The following B3GAT1 variants were observed in gnomAD, a reference collection of about 807,000 sequenced individuals.
The protein encoded by B3GAT1 is galactosylgalactosylxylosylprotein 3-beta-glucuronosyltransferase 1.
Under a neutral mutation model 28.4 loss-of-function variants are expected in B3GAT1, and 11 were observed. The ratio of observed to expected loss-of-function variants is 0.39; its 90% CI spans 0.24 to 0.64. The LOEUF is 0.64. Ranked by LOEUF, B3GAT1 falls within the 30% of genes least tolerant of loss-of-function variation. The probability of loss-of-function intolerance (pLI) is 0.50; values close to 1 mark genes in which losing one functional copy is unlikely to be tolerated. For missense variants in B3GAT1, 375 were observed against 491.0 expected (o/e 0.76, Z 2.23); for synonymous variants, 255 against 223.1 (o/e 1.14, Z -1.27).
In B3GAT1 at chr11:134,407,146, G is replaced by A. The variant is rs151263062; in HGVS notation, c.-282+4661C>T. 8.7e-3 allele frequency among the ~76,000 whole-genome samples: 1,326 copies of A among 152,152 alleles called. 18 individuals carry two copies. Among genetic ancestry groups the A allele is most frequent in the Middle Eastern group, 0.021 (6 of 290 alleles). ...CTGAGGAGCTGCTCAGGGTGGGGACGGATGCAGCCCCCCATGCCCAGTGTG... is the reference window on the plus strand; with the variant it reads ...CTGAGGAGCTGCTCAGGGTGGGGACAGATGCAGCCCCCCATGCCCAGTGTG... On this transcript the variant is annotated intron_variant, in intron 1 of 5. Coordinates refer to ENST00000312527, the MANE Select transcript of B3GAT1 (RefSeq NM_054025.3).
chr11:134,396,120 T>C (rs1944500620), intron 1 of B3GAT1, among the ~76,000 whole-genome samples: 1 of 152,204 alleles, frequency 6.6e-6, no homozygotes, highest in Non-Finnish European at 1.5e-5. Context: ...GATGGAATCT[T>C]ACAGAGCACA....
intron 1 of B3GAT1, among the ~76,000 whole-genome samples, chr11:134,401,972 G>C (rs1456938010): frequency 8.2e-6 from 1 of 121,664 alleles, no homozygotes; most frequent in African/African-American, 2.8e-5. Context: ...GCCTGGGGCG[G>C]GGGGGGGCGG....
chr11:134,407,590 G>A (rs999418966), intron 1 of B3GAT1, among the ~76,000 whole-genome samples: 1 of 152,260 alleles, frequency 6.6e-6, no homozygotes, highest in Non-Finnish European at 1.5e-5. Flanking sequence ...GCGCTTATCA[G>A]AGGTAAAGCC....
At chr11:134,400,976 C>T (rs1447124466) in intron 1 of B3GAT1, among the ~76,000 whole-genome samples, 1 of 152,086 alleles carries the variant, frequency 6.6e-6, no homozygotes, top group African/African-American at 2.4e-5. Flanking sequence ...GTACAAGTGG[C>T]CAACAAATAT....
intron 1 of B3GAT1, among the ~76,000 whole-genome samples, chr11:134,398,622 T>G (rs534740358): frequency 1.1e-4 from 16 of 150,864 alleles, no homozygotes; most frequent in African/African-American, 4.0e-4. Flanking sequence ...CAGGTCCAGA[T>G]AGAAAGCAGC....
chr11:134,384,345 T>A, intron 2 of B3GAT1, 157 bp from the exon 3 acceptor site: 1 of 970,904 alleles, frequency 1.0e-6, no homozygotes, highest in Non-Finnish European at 1.5e-6. Flanking sequence ...GCTCTAAGGT[T>A]GAAATCTGCA....
chr11:134,402,652 C>G (rs1350501846), intron 1 of B3GAT1, among the ~76,000 whole-genome samples: 1 of 152,170 alleles, frequency 6.6e-6, no homozygotes, highest in African/African-American at 2.4e-5. Context: ...GTGACTCATG[C>G]CTGTAACCCC....
chr11:134,410,384 T>C (rs1477031119), intron 1 of B3GAT1, among the ~76,000 whole-genome samples: 1 of 152,142 alleles, frequency 6.6e-6, no homozygotes, highest in Non-Finnish European at 1.5e-5. Flanking sequence ...GGGGCACAGA[T>C]GCATTAACTC....
chr11:134,384,220 G>C (rs747932833), intron 2 of B3GAT1, 32 bp from the exon 3 acceptor site: 2 of 1,516,926 alleles, frequency 1.3e-6, no homozygotes, highest in Non-Finnish European at 1.8e-6. Context: ...GATGTGGGAG[G>C]AGAGCGCCGG....
intron 1 of B3GAT1, chr11:134,391,490 TTGTC>T (rs1591640553): frequency 6.6e-6 from 1 of 152,388 alleles, no homozygotes; most frequent in East Asian, 1.9e-4. Flanking sequence ...AGGGCGGTGT[TTGTC>T]TGTGGTCGCA....
At chr11:134,398,051 C>A (rs541110102) in intron 1 of B3GAT1, among the ~76,000 whole-genome samples, 2 of 152,320 alleles carry the variant, frequency 1.3e-5, no homozygotes, top group African/African-American at 4.8e-5. Flanking sequence ...CTCAAGAAAA[C>A]CCCTGGGGTT....
chr11:134,383,606 C>T, intron 3 of B3GAT1, 74 bp downstream of exon 3: 1 of 1,443,946 alleles, frequency 6.9e-7, no homozygotes, highest in South Asian at 1.5e-5. Flanking sequence ...TCCGCACCCA[C>T]ACCCCCTTCT....
At chr11:134,387,161 C>T (rs1027893566) in intron 2 of B3GAT1, 3 of 201,156 alleles carry the variant, frequency 1.5e-5, no homozygotes, top group Non-Finnish European at 3.1e-5. Flanking sequence ...ATGAAAACCA[C>T]TTTCCTTCCT....
chr11:134,393,306 C>T lies in B3GAT1; in HGVS notation c.-281-5366G>A, dbSNP rs1042425580. Among the ~76,000 whole-genome samples, 1 of 152,204 alleles carries T rather than the reference C, an allele frequency of 6.6e-6. No individual in the cohort carries two copies. The highest frequency in any genetic ancestry group is 1.5e-5 in the Non-Finnish European group (1 of 68,036). On this transcript the variant is annotated intron_variant, in intron 1 of 5. Coordinates refer to ENST00000312527, the MANE Select transcript of B3GAT1 (RefSeq NM_054025.3). This position sits in a 1 kb window ranked among gnomAD's most constrained non-coding sequence, Gnocchi z 4.0. ...CAGTTGTCCCATAGATGATGTTTCC[C>T]CAGGACTGCACAATGCATGCTAATT... is the stretch of plus-strand genomic sequence containing the variant.
intron 1 of B3GAT1, among the ~76,000 whole-genome samples, chr11:134,398,766 C>A (rs909711161): frequency 6.6e-6 from 1 of 152,118 alleles, no homozygotes; most frequent in Non-Finnish European, 1.5e-5. Context: ...AGCTGGCCCC[C>A]GGCCTCTGGG....
At chr11:134,381,381 T>C (rs1413397383) in intron 5 of B3GAT1, among the ~76,000 whole-genome samples, 1 of 152,158 alleles carries the variant, frequency 6.6e-6, no homozygotes, top group African/African-American at 2.4e-5. Context: ...ACTTCACAGA[T>C]GAAGAAACTG....
chr11:134,395,829 C>T (rs55751035), intron 1 of B3GAT1, among the ~76,000 whole-genome samples: 15,363 of 152,274 alleles, frequency 0.1, 916 homozygotes, highest in Non-Finnish European at 0.14. Context: ...CCCCCATTGG[C>T]TCTCTTCAGT....
At chr11:134,408,910 GT>G in intron 1 of B3GAT1, among the ~76,000 whole-genome samples, 1 of 123,470 alleles carries the variant, frequency 8.1e-6, no homozygotes, top group African/African-American at 3.2e-5. Flanking sequence ...GAGGAGGGAG[GT>G]GGGATAGCCT....
At position 134,411,936 on chromosome 11, in the gene B3GAT1, C is replaced by G. The variant is rs1366702680; in HGVS notation, c.-411G>C. 1 of 150,054 alleles carries G rather than the reference C, an allele frequency of 6.7e-6. No homozygotes were observed. Among genetic ancestry groups the G allele is most frequent in the Non-Finnish European group, 1.5e-5 (1 of 67,168 alleles). The allele number at this position is 150,054 out of a possible 1,614,324, so 9.3% of individuals were successfully genotyped here. A position where few individuals can be genotyped will look rare whatever the true frequency, so the allele number is the denominator to read the frequency against. The stretch of plus-strand genomic sequence containing the variant: ...CTCCCTCCCCGGGGACTGTCGGGCT[C>G]CGGGCCCCCGGGGGCCACTTCATAG... On this transcript the variant is annotated 5_prime_UTR_variant, in exon 1 of 6. Transcript: ENST00000312527. This position sits in a 1 kb window ranked among gnomAD's most constrained non-coding sequence, Gnocchi z 6.0.
Sources: allele counts gnomAD v4.1 joint callset (sites outside exome capture counted in the v4.1 genomes callset), GRCh38; gene constraint gnomAD v4.1.1; non-coding constraint Gnocchi (gnomAD v3.1); transcripts MANE v1.5; gene names NCBI Gene and HGNC (gene_info 2026-07-23, HGNC 2026-07-21).